Variants in SGK1 observed in about 807,000 individuals in gnomAD.
SGK1 encodes the protein serine/threonine-protein kinase Sgk1.
SGK1 carries 26 observed loss-of-function variants against 64.2 expected under a neutral mutation model. That is an observed-to-expected ratio of 0.40 (90% CI 0.30 to 0.56). SGK1 has a LOEUF of 0.56. SGK1 is among the 20% of genes least tolerant of loss of function. The pLI is 0.38. For synonymous variants in SGK1, 265 were observed against 239.7 expected (o/e 1.11, Z -0.98); for missense variants, 519 against 645.6 (o/e 0.80, Z 2.12).
chr6:134,244,718 A>G (rs139612277), intron 2 of SGK1, among the ~76,000 whole-genome samples: 1 of 152,222 alleles, frequency 6.6e-6, no homozygotes, highest in Non-Finnish European at 1.5e-5. Flanking sequence ...CGCCTTCTGC[A>G]TTGGTCTTGC....
chr6:134,177,502 T>C (rs953860165), intron 3 of SGK1, among the ~76,000 whole-genome samples: 1 of 152,148 alleles, frequency 6.6e-6, no homozygotes, highest in Non-Finnish European at 1.5e-5. Flanking sequence ...CCCAGAAACA[T>C]CAACCTGCAC....
At chr6:134,248,428 C>T (rs1776557235) in intron 2 of SGK1, among the ~76,000 whole-genome samples, 1 of 145,166 alleles carries the variant, frequency 6.9e-6, no homozygotes, top group Non-Finnish European at 1.5e-5. Flanking sequence ...ATCTTAGAAA[C>T]ACCTGCTCTC....
intron 1 of SGK1, among the ~76,000 whole-genome samples, chr6:134,280,442 T>C (rs895021954): frequency 2.6e-5 from 4 of 152,068 alleles, no homozygotes; most frequent in Admixed American, 6.6e-5. Context: ...AAAATATATA[T>C]ATTTTTTAAT....
At chr6:134,200,275 T>C (rs1775660692) in intron 3 of SGK1, among the ~76,000 whole-genome samples, 1 of 152,188 alleles carries the variant, frequency 6.6e-6, no homozygotes, top group Non-Finnish European at 1.5e-5. Context: ...TGACGGGTGA[T>C]CAATTTTCTT....
At chr6:134,195,650 T>C (rs770562666) in intron 3 of SGK1, among the ~76,000 whole-genome samples, 4 of 152,218 alleles carry the variant, frequency 2.6e-5, no homozygotes, top group Admixed American at 6.5e-5. Flanking sequence ...ATGGTTTAAG[T>C]CATGCAAAAC....
chr6:134,174,157 G>A, intron 4 of SGK1, 77 bp from the exon 5 acceptor site: 2 of 1,009,100 alleles, frequency 2.0e-6, no homozygotes, highest in Non-Finnish European at 1.5e-6. Flanking sequence ...TGAGTTTCTG[G>A]CTCTACCGAC....
chr6:134,285,694 C>T (rs1266332949), intron 1 of SGK1, among the ~76,000 whole-genome samples: 2 of 151,946 alleles, frequency 1.3e-5, no homozygotes, highest in African/African-American at 4.8e-5. Context: ...ATTGTCTATT[C>T]ATGTCCTTTG....
chr6:134,200,893 G>A (rs1478683266), intron 3 of SGK1, among the ~76,000 whole-genome samples: 4 of 151,602 alleles, frequency 2.6e-5, no homozygotes, highest in Non-Finnish European at 5.9e-5. Context: ...GACAGAGTGA[G>A]ACCTTGTCTC....
intron 2 of SGK1, among the ~76,000 whole-genome samples, chr6:134,224,863 C>T (rs981777258): frequency 8.3e-5 from 11 of 132,846 alleles, no homozygotes; most frequent in African/African-American, 2.5e-4. Flanking sequence ...TCTATAAAAA[C>T]ACAAAAAATT....
chr6:134,256,079 T>A lies in SGK1; in HGVS notation c.285+5854A>T, dbSNP rs1042374008. ...TTCAACATGAAATATTCCTCTTTGG[T>A]CCTTTTTCCTTTTTTTTTTTTTGTA... On this transcript the variant is annotated intron_variant, in intron 2 of 13. Transcript: ENST00000367858. Among the ~76,000 whole-genome samples the A allele has an allele frequency of 5.1e-5, 6 of 117,484 alleles. No individual in the cohort carries two copies. The Admixed American group carries it at 5.5e-4, about 11-fold the overall frequency. 77.1% of individuals were successfully genotyped at this position (117,484 alleles called of 152,430 possible). A position where few individuals can be genotyped will look rare whatever the true frequency, so the allele number is the denominator to read the frequency against.
At chr6:134,222,900 A>T (rs762483690) in intron 2 of SGK1, among the ~76,000 whole-genome samples, 1 of 152,216 alleles carries the variant, frequency 6.6e-6, no homozygotes, top group Non-Finnish European at 1.5e-5. Flanking sequence ...CTAAGTTCCT[A>T]TCCAAAGGGA....
chr6:134,205,560 G>A (rs1775756158), intron 3 of SGK1, among the ~76,000 whole-genome samples: 1 of 152,142 alleles, frequency 6.6e-6, no homozygotes, highest in South Asian at 2.1e-4. Flanking sequence ...AGCTGTTTCT[G>A]CTAGGAGAGC....
At chr6:134,215,152 G>A (rs73560868) in intron 2 of SGK1, 2 of 372,610 alleles carry the variant, frequency 5.4e-6, no homozygotes, top group African/African-American at 2.4e-5. Flanking sequence ...TTTTTTGAGA[G>A]AGCTTTGTTG....
intron 3 of SGK1, 167 bp from the exon 4 acceptor site, chr6:134,174,753 C>A: frequency 2.5e-6 from 4 of 1,614,226 alleles, no homozygotes; most frequent in Non-Finnish European, 3.4e-6. Context: ...GCCACCATGC[C>A]CCTCATCCTG....
At chr6:134,317,293 G>A (rs1777700713) in intron 1 of SGK1, 99 bp downstream of exon 1, 1 of 811,114 alleles carries the variant, frequency 1.2e-6, no homozygotes, top group East Asian at 2.4e-5. Context: ...CTTACATTAA[G>A]GGTTTAGCAA....
chr6:134,266,001 T>C (rs1332418761), intron 1 of SGK1, among the ~76,000 whole-genome samples: 1 of 151,762 alleles, frequency 6.6e-6, no homozygotes, highest in Non-Finnish European at 1.5e-5. Flanking sequence ...TTATATTTAT[T>C]AAGATGGAGT....
At chr6:134,176,434 C>T (rs999844000) in intron 3 of SGK1, among the ~76,000 whole-genome samples, 1 of 152,250 alleles carries the variant, frequency 6.6e-6, no homozygotes, top group African/African-American at 2.4e-5. Context: ...AACAGCGATG[C>T]CGGTGCCTTC....
chr6:134,314,250 T>G (rs1354417458), intron 1 of SGK1, among the ~76,000 whole-genome samples: 1 of 152,042 alleles, frequency 6.6e-6, no homozygotes, highest in African/African-American at 2.4e-5. Flanking sequence ...CAGGGCAGCC[T>G]CTCATTACTG....
At chr6:134,281,049 C>T (rs759395815) in intron 1 of SGK1, among the ~76,000 whole-genome samples, 75 of 152,214 alleles carry the variant, frequency 4.9e-4, no homozygotes, top group Non-Finnish European at 7.8e-4. Flanking sequence ...GCCTGGGTGA[C>T]GAGCGAAACT....
Sources: allele counts gnomAD v4.1 joint callset (sites outside exome capture counted in the v4.1 genomes callset), GRCh38; gene constraint gnomAD v4.1.1; transcripts MANE v1.5; gene names NCBI Gene and HGNC (gene_info 2026-07-23, HGNC 2026-07-21).